Variants in ADAM28 observed in about 807,000 individuals in gnomAD.
ADAM28 encodes ADAM metallopeptidase domain 28, also known as disintegrin and metalloproteinase domain-containing protein 28.
A neutral mutation model predicts 101.2 loss-of-function variants in ADAM28; 105 were observed. That is an observed-to-expected ratio of 1.04 (90% CI 0.89 to 1.22). The LOEUF (loss-of-function observed/expected upper bound fraction) is 1.22, where lower values mean the gene tolerates loss of function less well. Ranked by LOEUF, ADAM28 falls within the 50% of genes most tolerant of loss-of-function variation. The pLI, the probability that ADAM28 is intolerant of heterozygous loss-of-function variation, is 0.00. For synonymous variants in ADAM28, 322 were observed against 310.6 expected (o/e 1.04, Z -0.39); for missense variants, 1,028 against 945.4 (o/e 1.09, Z -1.15).
rs1814794932 is a variant in ADAM28, at chr8:24,341,746, G to A, written c.1819G>A (p.Gly607Ser). 1.2e-6 allele frequency: 2 copies of A among 1,613,500 alleles called. No homozygotes were observed. ...IGMVANGTKC[G>S]DNKVCINAEC... ...CATGGTGGCCAATGGAACTAAGTGT[G>A]GCGATAACAAGGTAAGTTGAAATTG... Residue 607 changes from glycine (G) to serine (S), a missense_variant, in exon 16 of 23, where the codon GGC becomes AGC. By Grantham distance (56) the Gly-to-Ser change is moderately conservative (BLOSUM62 0). Transcript: ENST00000265769.
At chr8:24,341,900 A>G (rs1274391727) in intron 16 of ADAM28, 143 bp downstream of exon 16, 2 of 951,510 alleles carry the variant, frequency 2.1e-6, no homozygotes, top group East Asian at 5.2e-5. Flanking sequence ...CAGAGTTTGA[A>G]TTTGGAACAC....
intron 14 of ADAM28, 43 bp downstream of exon 14, chr8:24,335,684 A>G: frequency 1.3e-6 from 2 of 1,502,674 alleles, no homozygotes; most frequent in African/African-American, 1.4e-5. Context: ...GCGAAGGAAA[A>G]TCATTTCAGA....
chr8:24,327,081 A>G (rs565576622), intron 10 of ADAM28, among the ~76,000 whole-genome samples: 1 of 152,114 alleles, frequency 6.6e-6, no homozygotes, highest in Non-Finnish European at 1.5e-5. Flanking sequence ...AAGCGTATTC[A>G]AATAGAAAGA....
At position 24,352,057 on chromosome 8, in the gene ADAM28, G is replaced by T. The variant is rs1275902940; in HGVS notation, c.2244+5G>T. The stretch of plus-strand genomic sequence containing the variant: ...AATGAGCCCCCAGCCTCTTTTGTGA[G>T]TTAGCAACTTCTCTTAAATACCACC... On this transcript the variant is annotated splice_donor_5th_base_variant and intron_variant, in intron 21 of 22. Transcript: ENST00000265769. 1.2e-6 allele frequency: 2 copies of T among 1,613,348 alleles called. No individual in the cohort carries two copies. The highest frequency in any genetic ancestry group is 1.7e-6 in the Non-Finnish European group (2 of 1,179,552).
intron 18 of ADAM28, among the ~76,000 whole-genome samples, chr8:24,345,673 T>C (rs1445315665): frequency 6.6e-6 from 1 of 152,092 alleles, no homozygotes; most frequent in Non-Finnish European, 1.5e-5. Context: ...TCTACTTCTA[T>C]GTGTTATTTT....
At chr8:24,338,506 T>A (rs1814371684) in intron 14 of ADAM28, among the ~76,000 whole-genome samples, 1 of 152,036 alleles carries the variant, frequency 6.6e-6, no homozygotes, top group African/African-American at 2.4e-5. Context: ...TATTCATGAC[T>A]AATGATTCTT....
chr8:24,305,460 T>C (rs1336777742), intron 2 of ADAM28, among the ~76,000 whole-genome samples: 2 of 142,414 alleles, frequency 1.4e-5, no homozygotes, highest in East Asian at 4.0e-4. Context: ...TCTTTTTTTT[T>C]TTTTTTTTTT....
chr8:24,321,874 C>T (rs896029246), intron 8 of ADAM28, among the ~76,000 whole-genome samples: 1 of 151,882 alleles, frequency 6.6e-6, no homozygotes, highest in Non-Finnish European at 1.5e-5. Flanking sequence ...ATTGTGTTAT[C>T]TAATTTCCAA....
Position 24,358,407 on chromosome 8 carries a change from T to A in ADAM28, c.*4003T>A, listed in dbSNP as rs1386577621. On this transcript the variant is annotated 3_prime_UTR_variant, in exon 23 of 23. Transcript: ENST00000265769. ...GTAATATGGAAAAATATGGAAATGGTTGGGGTGATAAGCAAGTCTTGCATA... is the reference window on the plus strand; with the variant it reads ...GTAATATGGAAAAATATGGAAATGGATGGGGTGATAAGCAAGTCTTGCATA... 1 of 152,192 alleles carries A rather than the reference T, an allele frequency of 6.6e-6. No individual in the cohort carries two copies. The highest frequency in any genetic ancestry group is 1.5e-5 in the Non-Finnish European group (1 of 68,032). The allele number at this position is 152,192 out of a possible 1,614,324, so 9.4% of individuals were successfully genotyped here.
chr8:24,320,136 A>T (rs1023645442), intron 6 of ADAM28, 100 bp from the exon 7 acceptor site: 3 of 827,702 alleles, frequency 3.6e-6, no homozygotes, highest in Non-Finnish European at 2.0e-6. Flanking sequence ...CCTTTACTCC[A>T]GATATCAACC....
Position 24,356,637 on chromosome 8 carries a change from G to GT in ADAM28, c.*2236dup, listed in dbSNP as rs1816703680. 1 of 152,146 alleles carries GT rather than the reference G, an allele frequency of 6.6e-6. No individual in the cohort carries two copies. Among genetic ancestry groups the GT allele is most frequent in the African/African-American group, 2.4e-5 (1 of 41,442 alleles). The allele number at this position is 152,146 out of a possible 1,614,324, so 9.4% of individuals were successfully genotyped here. ...ACAGACTTTTTGATTTCACAATACT[G>GT]TTTCCACACTTACTTATATCCGTAA... On this transcript the variant is annotated 3_prime_UTR_variant, in exon 23 of 23. Coordinates refer to ENST00000265769, the MANE Select transcript of ADAM28 (RefSeq NM_014265.6).
chr8:24,321,352 C>T, intron 8 of ADAM28, 63 bp downstream of exon 8: 1 of 1,298,254 alleles, frequency 7.7e-7, no homozygotes, highest in Non-Finnish European at 1.1e-6. Flanking sequence ...CTGGGTTTTT[C>T]AATGAACGCA....
chr8:24,310,641 T>C (rs2129265196), intron 4 of ADAM28, among the ~76,000 whole-genome samples: 1 of 152,312 alleles, frequency 6.6e-6, no homozygotes, highest in East Asian at 1.9e-4. Context: ...TTCTCTTTAC[T>C]GCTATTCATA....
At chr8:24,329,081 T>C (rs1398927896) in intron 10 of ADAM28, among the ~76,000 whole-genome samples, 1 of 152,014 alleles carries the variant, frequency 6.6e-6, no homozygotes, top group African/African-American at 2.4e-5. Context: ...CTAAACACAT[T>C]TTAATTTTTC....
chr8:24,313,618 A>T, intron 6 of ADAM28, 38 bp downstream of exon 6: 1 of 1,588,576 alleles, frequency 6.3e-7, no homozygotes, highest in Non-Finnish European at 8.6e-7. Flanking sequence ...GCTCTCATGT[A>T]TTCTGCCCTG....
chr8:24,329,759 A>C (rs887340759), intron 10 of ADAM28, among the ~76,000 whole-genome samples: 2 of 152,024 alleles, frequency 1.3e-5, no homozygotes, highest in Admixed American at 1.3e-4. Flanking sequence ...AATTTCCTTC[A>C]TTATAGGAAC....
At chr8:24,333,670 A>G (rs1319632538) in intron 13 of ADAM28, among the ~76,000 whole-genome samples, 1 of 152,110 alleles carries the variant, frequency 6.6e-6, no homozygotes, top group Non-Finnish European at 1.5e-5. Context: ...TCTCCCTTTA[A>G]CAATGTGTGT....
rs887228105 is a variant in ADAM28, at chr8:24,323,815, A to G, written c.721-19A>G. On this transcript the variant is annotated intron_variant, in intron 8 of 22. Coordinates refer to ENST00000265769, the MANE Select transcript of ADAM28 (RefSeq NM_014265.6). Reference sequence around the variant, plus strand: ...CACCATTATAATTAATTGCTTTGCCATTTATTTTCTTTGGACAGCTTTATA... The same window carrying G: ...CACCATTATAATTAATTGCTTTGCCGTTTATTTTCTTTGGACAGCTTTATA... The G allele has an allele frequency of 3.8e-6, 6 of 1,590,284 alleles. No homozygotes were observed. The highest frequency in any genetic ancestry group is 1.4e-5 in the African/African-American group (1 of 73,550).
intron 11 of ADAM28, among the ~76,000 whole-genome samples, chr8:24,330,798 A>G (rs577615630): frequency 6.6e-6 from 1 of 152,160 alleles, no homozygotes; most frequent in African/African-American, 2.4e-5. Context: ...GATCCTATCA[A>G]TAGGAATTCC....
Sources: gnomAD v4.1 joint callset for allele counts (sites outside exome capture counted in the v4.1 genomes callset) on GRCh38, gnomAD v4.1.1 for gene constraint, MANE v1.5 for transcripts, NCBI Gene and HGNC (gene_info 2026-07-23, HGNC 2026-07-21) for gene names.